The following ROBO2 variants were observed in gnomAD, a reference collection of about 807,000 sequenced individuals.
The protein encoded by ROBO2 is roundabout guidance receptor 2, also known as roundabout homolog 2.
ROBO2 carries 53 observed loss-of-function variants against 160.8 expected under a neutral mutation model. That is an observed-to-expected ratio of 0.33 (90% CI 0.26 to 0.41). The LOEUF is 0.41. Among genes scored for constraint, ROBO2 ranks in the 10% least tolerant of loss-of-function variants. The pLI, the probability that ROBO2 is intolerant of heterozygous loss-of-function variation, is 1.00. For missense variants in ROBO2, 1,577 were observed against 1,722.4 expected, an observed-to-expected ratio of 0.92 and a Z score of 1.49; for synonymous variants, 664 against 611.7, an observed-to-expected ratio of 1.09 and a Z score of -1.26.
intron 2 of ROBO2, among the ~76,000 whole-genome samples, chr3:77,127,236 G>A (rs1438029716): frequency 6.6e-6 from 1 of 151,998 alleles, no homozygotes; most frequent in African/African-American, 2.4e-5. Context: ...TTTCAAATGT[G>A]ACAGTCCGGT....
chr3:77,173,161 G>A (rs1316576021), intron 2 of ROBO2, among the ~76,000 whole-genome samples: 1 of 152,100 alleles, frequency 6.6e-6, no homozygotes, highest in Non-Finnish European at 1.5e-5. Flanking sequence ...TTTTGTAAAG[G>A]AAGAAAGCTA....
At chr3:77,429,024 G>C (rs912632142) in intron 2 of ROBO2, among the ~76,000 whole-genome samples, 2 of 152,116 alleles carry the variant, frequency 1.3e-5, no homozygotes, top group Non-Finnish European at 2.9e-5. Flanking sequence ...TCTAAAGTTA[G>C]ATCAGCTAAA....
chr3:77,237,183 CT>C (rs34992972), intron 2 of ROBO2, among the ~76,000 whole-genome samples: 7,727 of 107,208 alleles, frequency 0.072, 226 homozygotes, highest in South Asian at 0.16. Context: ...CTTGACCTTT[CT>C]TTTTTTTTTT....
chr3:77,206,015 C>A (rs1275673529), intron 2 of ROBO2, among the ~76,000 whole-genome samples: 2 of 152,070 alleles, frequency 1.3e-5, no homozygotes, highest in East Asian at 3.9e-4. Flanking sequence ...GAGGAAGGAT[C>A]CTTCTTTGTG....
chr3:76,942,185 T>C (rs1277343341), intron 2 of ROBO2, among the ~76,000 whole-genome samples: 2 of 152,194 alleles, frequency 1.3e-5, no homozygotes, highest in Non-Finnish European at 2.9e-5. Flanking sequence ...CAGTAGTTTG[T>C]ACTTTAAACT....
chr3:77,596,121 A>G (rs1467741557), intron 18 of ROBO2, among the ~76,000 whole-genome samples: 1 of 152,158 alleles, frequency 6.6e-6, no homozygotes, highest in Non-Finnish European at 1.5e-5. Flanking sequence ...TGTGCTATTT[A>G]TGGAGCAGTA....
At chr3:76,657,386 C>T (rs1463276299) in intron 2 of ROBO2, among the ~76,000 whole-genome samples, 2 of 151,254 alleles carry the variant, frequency 1.3e-5, no homozygotes, top group African/African-American at 4.9e-5. Flanking sequence ...GATCGCGCCC[C>T]TGCACTCCAG....
intron 5 of ROBO2, among the ~76,000 whole-genome samples, chr3:77,515,872 G>A (rs2089965200): frequency 6.6e-6 from 1 of 151,532 alleles, no homozygotes; most frequent in Non-Finnish European, 1.5e-5. Flanking sequence ...TTAAAATTAG[G>A]ACATTAGACT....
chr3:77,410,075 T>A (rs2076580838), intron 2 of ROBO2, among the ~76,000 whole-genome samples: 1 of 152,226 alleles, frequency 6.6e-6, no homozygotes, highest in Admixed American at 6.5e-5. Flanking sequence ...CTAATTTACA[T>A]GCCTCCTTAG....
chr3:76,049,106 C>A (rs972030072), intron 2 of ROBO2, among the ~76,000 whole-genome samples: 5 of 152,018 alleles, frequency 3.3e-5, no homozygotes, highest in Non-Finnish European at 5.9e-5. Context: ...GGATGAGGGA[C>A]CCTAAGAGTT....
intron 2 of ROBO2, among the ~76,000 whole-genome samples, chr3:76,797,446 G>A (rs944301311): frequency 6.6e-6 from 1 of 151,958 alleles, no homozygotes; most frequent in Admixed American, 6.6e-5. Flanking sequence ...GCAGTACTAA[G>A]AGGAAAGTTT....
At chr3:76,991,059 C>T (rs1195958989) in intron 2 of ROBO2, among the ~76,000 whole-genome samples, 1 of 152,108 alleles carries the variant, frequency 6.6e-6, no homozygotes, top group African/African-American at 2.4e-5. Context: ...GCCCACTTGG[C>T]CCTCTTCCAA....
At chr3:76,611,568 T>C (rs543872897) in intron 2 of ROBO2, among the ~76,000 whole-genome samples, 8 of 152,280 alleles carry the variant, frequency 5.3e-5, no homozygotes, top group African/African-American at 9.6e-5. Flanking sequence ...CCGCTGCTCA[T>C]AGTAGCCTCT....
chr3:77,382,070 T>C (rs1391058330), intron 2 of ROBO2, among the ~76,000 whole-genome samples: 1 of 152,216 alleles, frequency 6.6e-6, no homozygotes, highest in East Asian at 1.9e-4. Flanking sequence ...TCTGGAGAAA[T>C]CAGATATTTT....
At chr3:76,897,987 G>A (rs925270089) in intron 2 of ROBO2, among the ~76,000 whole-genome samples, 1 of 152,050 alleles carries the variant, frequency 6.6e-6, no homozygotes, top group Non-Finnish European at 1.5e-5. Flanking sequence ...GTTTTCTAAA[G>A]TATATTTTCA....
intron 1 of ROBO2, among the ~76,000 whole-genome samples, chr3:77,072,633 C>T (rs939155123): frequency 2.0e-5 from 3 of 152,158 alleles, no homozygotes; most frequent in Non-Finnish European, 4.4e-5. Context: ...CCCTTGATTG[C>T]ATTTATCATA....
In ROBO2 at chr3:76,985,113, G is replaced by A. The variant is rs4308317; in HGVS notation, c.110-112901G>A. Among the ~76,000 whole-genome samples, 869 of 151,898 alleles carry A rather than the reference G, an allele frequency of 5.7e-3. 10 individuals carry two copies. The highest frequency in any genetic ancestry group is 0.02 in the African/African-American group (824 of 41,434). On this transcript the variant is annotated intron_variant, in intron 2 of 26. Coordinates refer to the ROBO2 transcript ENST00000487694. Reference sequence around the variant, plus strand: ...ATGTTCTCATTTCTTTTCTCTTTAAGGTTTGACCTCTTGCATAGTCTAGTA... The same window carrying A: ...ATGTTCTCATTTCTTTTCTCTTTAAAGTTTGACCTCTTGCATAGTCTAGTA...
intron 17 of ROBO2, among the ~76,000 whole-genome samples, chr3:77,590,804 CA>C (rs905983741): frequency 2.0e-5 from 3 of 151,916 alleles, no homozygotes; most frequent in African/African-American, 7.3e-5. Flanking sequence ...TTTTTTTTAA[CA>C]GCAATTCTTT....
intron 2 of ROBO2, among the ~76,000 whole-genome samples, chr3:76,369,824 T>A (rs561542178): frequency 3.2e-4 from 48 of 152,102 alleles, no homozygotes; most frequent in African/African-American, 1.1e-3. Flanking sequence ...CTGATTTGTT[T>A]AATATTATCT....
Sources: allele counts gnomAD v4.1 joint callset (sites outside exome capture counted in the v4.1 genomes callset), GRCh38; gene constraint gnomAD v4.1.1; transcripts MANE v1.5; gene names NCBI Gene and HGNC (gene_info 2026-07-23, HGNC 2026-07-21).